POU2AF1: variants seen among roughly 807,000 people sequenced by gnomAD.
POU2AF1 encodes POU class 2 homeobox associating factor 1.
Under a neutral mutation model 26.3 loss-of-function variants are expected in POU2AF1, and 12 were observed. The observed-to-expected ratio is 0.46, with a 90% CI of 0.29 to 0.74. POU2AF1 has a LOEUF of 0.74. Ranked by LOEUF, POU2AF1 falls within the 30% of genes least tolerant of loss-of-function variation. POU2AF1 has a pLI of 0.09. For synonymous variants in POU2AF1, 175 were observed against 148.0 expected, an observed-to-expected ratio of 1.18 and a Z score of -1.32; for missense variants, 297 against 334.5, an observed-to-expected ratio of 0.89 and a Z score of 0.87.
intron 4 of POU2AF1, 109 bp from the exon 5 acceptor site, chr11:111,354,684 G>T: frequency 9.9e-7 from 1 of 1,009,838 alleles, no homozygotes; most frequent in Non-Finnish European, 1.4e-6. Flanking sequence ...GCCCTTTCCT[G>T]GTTTCTCACT....
chr11:111,362,057 A>G (rs1861019820), intron 1 of POU2AF1, among the ~76,000 whole-genome samples: 2 of 152,208 alleles, frequency 1.3e-5, no homozygotes, highest in African/African-American at 2.4e-5. Flanking sequence ...GTGCCCAGCG[A>G]TGACCACAGG....
chr11:111,364,272 A>T (rs1382138178), intron 1 of POU2AF1: 1 of 152,356 alleles, frequency 6.6e-6, no homozygotes, highest in African/African-American at 2.4e-5. Flanking sequence ...CTGCATGTGG[A>T]CATTTGTGCC....
chr11:111,375,497 T>C (rs1427261521), intron 1 of POU2AF1, among the ~76,000 whole-genome samples: 3 of 144,344 alleles, frequency 2.1e-5, no homozygotes, highest in Non-Finnish European at 3.0e-5. Context: ...CCCGGGTTCA[T>C]GCCATTCTCC....
intron 1 of POU2AF1, among the ~76,000 whole-genome samples, chr11:111,375,558 C>G (rs1187238599): frequency 6.6e-6 from 1 of 151,910 alleles, no homozygotes; most frequent in Non-Finnish European, 1.5e-5. Flanking sequence ...CACCACAACC[C>G]CAGCTAATTT....
chr11:111,370,696 T>C (rs777963317), intron 1 of POU2AF1, among the ~76,000 whole-genome samples: 1 of 152,182 alleles, frequency 6.6e-6, no homozygotes, highest in African/African-American at 2.4e-5. Flanking sequence ...AAAAATGTTA[T>C]AGACATCAGC....
At chr11:111,372,273 T>C (rs554655375) in intron 1 of POU2AF1, among the ~76,000 whole-genome samples, 3 of 152,262 alleles carry the variant, frequency 2.0e-5, no homozygotes, top group East Asian at 3.9e-4. Flanking sequence ...CTGAGCCTTT[T>C]ATTATAGCTA....
At chr11:111,369,674 G>C (rs1369733693) in intron 1 of POU2AF1, among the ~76,000 whole-genome samples, 1 of 152,192 alleles carries the variant, frequency 6.6e-6, no homozygotes, top group African/African-American at 2.4e-5. Context: ...CATCAGGAAA[G>C]AGAAAGGGCC....
intron 1 of POU2AF1, among the ~76,000 whole-genome samples, chr11:111,373,737 C>T (rs1861256055): frequency 1.2e-5 from 1 of 82,150 alleles, no homozygotes; most frequent in South Asian, 5.2e-4. Context: ...AAGTAAAACC[C>T]CTGGCTCCTG....
chr11:111,370,545 G>A (rs533501900), intron 1 of POU2AF1, among the ~76,000 whole-genome samples: 157 of 152,288 alleles, frequency 1.0e-3, no homozygotes, highest in African/African-American at 3.7e-3. Context: ...GTGCCTGCAG[G>A]TGCCAACAGA....
chr11:111,358,662 TCA>T (rs1373966900), intron 2 of POU2AF1, 124 bp downstream of exon 2: 4 of 1,179,534 alleles, frequency 3.4e-6, no homozygotes, highest in Non-Finnish European at 4.8e-6. Flanking sequence ...ACACACTCTA[TCA>T]CACACAAACA....
rs201517624 is a variant in POU2AF1 at position 111,354,353 on chromosome 11, C to A, written c.679G>T (p.Ala227Ser). The change falls in exon 5 of 5, where the codon GCC becomes TCC. Residue 227 changes from alanine (A) to serine (S), a missense_variant. Coordinates refer to ENST00000393067, the MANE Select transcript of POU2AF1 (RefSeq NM_006235.3). ...AGCTTGTCGATGGTCAACGAGCTGGCGGCTCTTCTGGGGTCTTCCATGTCC... is the reference window on the plus strand; with the variant it reads ...AGCTTGTCGATGGTCAACGAGCTGGAGGCTCTTCTGGGGTCTTCCATGTCC... ...LQDMEDPRRA[A>S]SSLTIDKLLL... The A allele has an allele frequency of 5.6e-6, 9 of 1,614,102 alleles. No individual in the cohort carries two copies. Among genetic ancestry groups the A allele is most frequent in the Non-Finnish European group, 6.8e-6 (8 of 1,180,050 alleles).
intron 1 of POU2AF1, chr11:111,359,893 C>T (rs565262974): frequency 4.1e-5 from 21 of 506,172 alleles, no homozygotes; most frequent in South Asian, 2.8e-4. Flanking sequence ...TTCCCTTCAC[C>T]TCTCCTACAC....
chr11:111,377,743 A>C, intron 1 of POU2AF1: 1 of 178,726 alleles, frequency 5.6e-6, no homozygotes. Context: ...ACAGATGCTT[A>C]GGGGCCCCCA....
chr11:111,375,088 T>C (rs1414245328), intron 1 of POU2AF1, among the ~76,000 whole-genome samples: 2 of 152,252 alleles, frequency 1.3e-5, no homozygotes, highest in African/African-American at 4.8e-5. Flanking sequence ...AATTATTTCC[T>C]GTTCCAAGGC....
intron 1 of POU2AF1, 136 bp from the exon 2 acceptor site, chr11:111,359,054 A>C (rs1860953723): frequency 1.2e-5 from 17 of 1,396,092 alleles, no homozygotes; most frequent in South Asian, 7.4e-5. Flanking sequence ...ACTTCCTAGA[A>C]TGCCTCTCCA....
At chr11:111,364,749 C>T (rs1861073149) in intron 1 of POU2AF1, among the ~76,000 whole-genome samples, 1 of 152,194 alleles carries the variant, frequency 6.6e-6, no homozygotes, top group Non-Finnish European at 1.5e-5. Context: ...CCCACCATCT[C>T]ACCTACTGAG....
chr11:111,358,051 T>C (rs77171896), intron 2 of POU2AF1, among the ~76,000 whole-genome samples: 140 of 152,198 alleles, frequency 9.2e-4, no homozygotes, highest in African/African-American at 3.3e-3. Flanking sequence ...CTCAGGGAGC[T>C]GGTGTCTTCT....
intron 1 of POU2AF1, among the ~76,000 whole-genome samples, chr11:111,375,388 A>ATAT (rs1565368329): frequency 4.1e-5 from 2 of 49,096 alleles, no homozygotes; most frequent in Non-Finnish European, 8.5e-5. Flanking sequence ...GATACTGAGT[A>ATAT]TCTTTTTTTT....
chr11:111,358,410 TCA>T (rs1298400312), intron 2 of POU2AF1, among the ~76,000 whole-genome samples: 22 of 26,144 alleles, frequency 8.4e-4, no homozygotes, highest in East Asian at 3.6e-3. Flanking sequence ...ACATACTCTC[TCA>T]CACACACGCT....
Sources: gnomAD v4.1 joint callset for allele counts (sites outside exome capture counted in the v4.1 genomes callset) on GRCh38, gnomAD v4.1.1 for gene constraint, MANE v1.5 for transcripts, NCBI Gene and HGNC (gene_info 2026-07-23, HGNC 2026-07-21) for gene names.